INCA1: variants seen among roughly 807,000 people sequenced by gnomAD.
INCA1 encodes inhibitor of CDK, cyclin A1 interacting protein 1, also known as protein INCA1.
A neutral mutation model predicts 25.7 loss-of-function variants in INCA1; 28 were observed. The observed-to-expected ratio is 1.09, with a 90% confidence interval of 0.81 to 1.49. The LOEUF is 1.49. Ranked by LOEUF, INCA1 falls within the 40% of genes most tolerant of loss-of-function variation. INCA1 has a pLI of 0.00. For synonymous variants in INCA1, 111 were observed against 103.6 expected, an observed-to-expected ratio of 1.07 and a Z score of -0.43; for missense variants, 309 against 290.9, an observed-to-expected ratio of 1.06 and a Z score of -0.45.
At chr17:4,989,768 G>A in intron 4 of INCA1, 122 bp downstream of exon 4, 2 of 1,556,260 alleles carry the variant, frequency 1.3e-6, no homozygotes, top group East Asian at 4.5e-5. Context: ...AGAAAGGAAG[G>A]CCTGGTCAGT....
chr17:4,992,478 C>G (rs928729953), intron 2 of INCA1, among the ~76,000 whole-genome samples: 9 of 152,130 alleles, frequency 5.9e-5, no homozygotes, highest in African/African-American at 2.2e-4. Context: ...GAGATGAGGT[C>G]TCACTATGTT....
At chr17:4,989,962 G>A (rs2143175291) in intron 3 of INCA1, 33 bp from the exon 4 acceptor site, 2 of 1,614,076 alleles carry the variant, frequency 1.2e-6, no homozygotes, top group South Asian at 1.1e-5. Context: ...TATAAGTGCA[G>A]AGGGGACATG....
At chr17:4,994,979 G>T (rs1974139116) in intron 1 of INCA1, among the ~76,000 whole-genome samples, 1 of 152,088 alleles carries the variant, frequency 6.6e-6, no homozygotes, top group Non-Finnish European at 1.5e-5. Flanking sequence ...GCCGAGGCAG[G>T]CAGATCACCT....
intron 1 of INCA1, chr17:4,996,003 G>A (rs573952588): frequency 1.4e-4 from 22 of 152,268 alleles, no homozygotes; most frequent in Admixed American, 5.2e-4. Flanking sequence ...AGGGAAGGAG[G>A]GGGCAGTTGG....
chr17:4,994,498 G>A, intron 1 of INCA1, 23 bp from the exon 2 acceptor site: 1 of 1,583,032 alleles, frequency 6.3e-7, no homozygotes, highest in East Asian at 2.2e-5. Flanking sequence ...TGGAAAAGAA[G>A]TCATTCATTC....
Position 4,994,460 on chromosome 17 carries a change from A to T in INCA1, c.-23T>A, listed in dbSNP as rs762001625. ...CATGACTGGACGGGGCTGGGTAGTT[A>T]GTCTCCTTTTTGGTGCTGGGAGGAT... On this transcript the variant is annotated 5_prime_UTR_variant, in exon 2 of 7. Transcript: ENST00000576820. 5.0e-6 allele frequency: 8 copies of T among 1,613,176 alleles called. No individual in the cohort carries two copies. In the Admixed American group the frequency reaches 5.0e-5, roughly 10 times the overall value.
intron 6 of INCA1, 81 bp downstream of exon 6, chr17:4,988,697 TG>T: frequency 1.9e-6 from 3 of 1,586,904 alleles, no homozygotes; most frequent in Non-Finnish European, 2.6e-6. Context: ...CTCTCCAGCC[TG>T]GCTCTCAGCT....
chr17:4,994,340 T>C, intron 2 of INCA1, 54 bp downstream of exon 2: 3 of 1,542,640 alleles, frequency 1.9e-6, no homozygotes, highest in Non-Finnish European at 2.7e-6. Context: ...GACCCAGGCA[T>C]GCAATATCCC....
At chr17:4,995,379 T>C (rs1019213487) in intron 1 of INCA1, among the ~76,000 whole-genome samples, 6 of 152,100 alleles carry the variant, frequency 3.9e-5, no homozygotes, top group African/African-American at 1.4e-4. Flanking sequence ...CAACTGGCAA[T>C]ATGGGACAAT....
intron 6 of INCA1, 55 bp from the exon 7 acceptor site, chr17:4,988,609 G>T (rs999831126): frequency 3.8e-6 from 6 of 1,598,512 alleles, no homozygotes; most frequent in Non-Finnish European, 3.4e-6. Context: ...CTTCTTTCCA[G>T]ATTTCCTAGT....
chr17:4,994,415 A>G lies in INCA1; in HGVS notation c.23T>C (p.Val8Ala), dbSNP rs774614627. Residue 8 changes from valine to alanine, a missense_variant, in exon 2 of 7, where the codon GTC (valine) becomes GCC (alanine). Physicochemically the swap from Val to Ala is moderately conservative, Grantham distance 64. Coordinates refer to ENST00000576820, the Ensembl canonical transcript of INCA1. ...TCACTTGGCAAAGGGGATGAGGTTG[A>G]CTCCATCATCCTGCACCTGCATGAC... 3 of 1,613,638 alleles carry G rather than the reference A, an allele frequency of 1.9e-6. No individual in the cohort carries two copies. Among genetic ancestry groups the G allele is most frequent in the Non-Finnish European group, 1.7e-6 (2 of 1,179,830 alleles).
At chr17:4,996,713 A>G (rs1176210029) in intron 1 of INCA1, 1 of 148,530 alleles carries the variant, frequency 6.7e-6, no homozygotes, top group African/African-American at 2.5e-5. Flanking sequence ...AAGTTAGGAG[A>G]GAGTGCACAT....
intron 2 of INCA1, among the ~76,000 whole-genome samples, chr17:4,992,800 C>G (rs1973963327): frequency 6.7e-6 from 1 of 149,878 alleles, no homozygotes; most frequent in Non-Finnish European, 1.5e-5. Context: ...GACTCAAACT[C>G]TTGGGCTCAA....
exon 5 of INCA1, chr17:4,989,544 C>G: frequency 6.2e-7 from 1 of 1,614,272 alleles, no homozygotes; most frequent in Non-Finnish European, 8.5e-7. Context: ...ATGGCCTCCT[C>G]TTCTTTCTTC....
chr17:4,990,369 C>CG, intron 2 of INCA1, 104 bp from the exon 3 acceptor site: 1 of 1,337,606 alleles, frequency 7.5e-7, no homozygotes, highest in Non-Finnish European at 1.0e-6. Flanking sequence ...TAAAGCTGCC[C>CG]AGGTTCCCTC....
intron 2 of INCA1, among the ~76,000 whole-genome samples, chr17:4,991,503 GA>G (rs1462502102): frequency 1.3e-5 from 2 of 152,148 alleles, no homozygotes; most frequent in Non-Finnish European, 2.9e-5. Flanking sequence ...AGAGCTGTTT[GA>G]GAACACTGCT....
exon 7 of INCA1, chr17:4,988,481 G>A (rs1973527785): frequency 6.2e-7 from 1 of 1,614,124 alleles, no homozygotes; most frequent in South Asian, 1.1e-5. Context: ...AGTGCTGAAC[G>A]AGGCCAGAGA....
chr17:4,988,904 C>G, exon 6 of INCA1: 1 of 1,614,208 alleles, frequency 6.2e-7, no homozygotes, highest in Non-Finnish European at 8.5e-7. Flanking sequence ...ACCACTGGCT[C>G]AGATGCAGCC....
At chr17:4,988,780 T>C (rs1164713583) in exon 6 of INCA1, 1 of 1,614,132 alleles carries the variant, frequency 6.2e-7, no homozygotes, top group Non-Finnish European at 8.5e-7. Context: ...CAACAATACC[T>C]GGGCCCTGCC....
Sources: gnomAD v4.1 joint callset for allele counts (sites outside exome capture counted in the v4.1 genomes callset) on GRCh38, gnomAD v4.1.1 for gene constraint, MANE v1.5 for transcripts, NCBI Gene and HGNC (gene_info 2026-07-23, HGNC 2026-07-21) for gene names.